The following RFX7 variants were observed in gnomAD, a reference collection of about 807,000 sequenced individuals.
RFX7 encodes regulatory factor X7.
Under a neutral mutation model 111.8 loss-of-function variants are expected in RFX7, and 26 were observed. The observed-to-expected ratio is 0.23, with a 90% CI of 0.17 to 0.32. The LOEUF (loss-of-function observed/expected upper bound fraction) is 0.32. Ranked by LOEUF, RFX7 falls within the 10% of genes least tolerant of loss-of-function variation. RFX7 has a pLI of 1.00. For missense variants in RFX7, 1,573 were observed against 1,772.9 expected (o/e 0.89, Z 2.02); for synonymous variants, 624 against 624.4 (o/e 1.00, Z 0.01).
At chr15:56,163,998 G>A (rs535785711) in intron 3 of RFX7, among the ~76,000 whole-genome samples, 1 of 152,280 alleles carries the variant, frequency 6.6e-6, no homozygotes, top group Admixed American at 6.5e-5. Flanking sequence ...TAGAACATAG[G>A]TAAGAAAAAT....
chr15:56,132,342 A>G (rs1409486095), intron 5 of RFX7, among the ~76,000 whole-genome samples: 7 of 152,096 alleles, frequency 4.6e-5, no homozygotes, highest in African/African-American at 1.4e-4. Flanking sequence ...AATAGCTAAA[A>G]TATCTAAGTA....
At chr15:56,159,875 T>C (rs2042700828) in intron 3 of RFX7, among the ~76,000 whole-genome samples, 1 of 152,170 alleles carries the variant, frequency 6.6e-6, no homozygotes, top group Non-Finnish European at 1.5e-5. Flanking sequence ...TGGCATAATA[T>C]TCAATTTAAA....
At chr15:56,149,106 A>G (rs892347608) in intron 3 of RFX7, among the ~76,000 whole-genome samples, 4 of 151,248 alleles carry the variant, frequency 2.6e-5, no homozygotes, top group Non-Finnish European at 5.9e-5. Context: ...AAAAAAATCA[A>G]TGTGTCACCC....
intron 3 of RFX7, among the ~76,000 whole-genome samples, chr15:56,157,785 G>A (rs1204168675): frequency 6.6e-6 from 1 of 152,176 alleles, no homozygotes; most frequent in Non-Finnish European, 1.5e-5. Context: ...TCACCATGTT[G>A]GTCGGGCTGG....
At chr15:56,129,889 G>A (rs2042190643) in intron 5 of RFX7, among the ~76,000 whole-genome samples, 2 of 152,250 alleles carry the variant, frequency 1.3e-5, no homozygotes, top group South Asian at 4.2e-4. Context: ...ACATGTGGCT[G>A]CTTCTCCCAG....
intron 3 of RFX7, among the ~76,000 whole-genome samples, chr15:56,175,368 G>C (rs150438711): frequency 7.3e-4 from 111 of 152,218 alleles, no homozygotes; most frequent in Non-Finnish European, 1.3e-3. Flanking sequence ...CTATAAATTT[G>C]ATGTAATCCC....
chr15:56,141,413 C>T (rs1187701814), intron 5 of RFX7, among the ~76,000 whole-genome samples: 11 of 151,732 alleles, frequency 7.2e-5, no homozygotes, highest in African/African-American at 1.7e-4. Flanking sequence ...AAACCTCATA[C>T]ATCTTCAACT....
In RFX7 at chr15:56,092,411, T is replaced by C. The variant is rs1292603214; in HGVS notation, c.*934A>G. The C allele has an allele frequency of 4.6e-5, 7 of 152,414 alleles. No homozygotes were observed. 9.4% of individuals were successfully genotyped at this position (152,414 alleles called of 1,614,324 possible). A position where few individuals can be genotyped will look rare whatever the true frequency, so the allele number is the denominator to read the frequency against. ...GAAAAAAACTGATTATTGTGGAATA[T>C]TTTAATGAAAAATTTCAAAGTAAAT... On this transcript the variant is annotated 3_prime_UTR_variant, in exon 10 of 10. Coordinates refer to ENST00000559447, the MANE Select transcript of RFX7 (RefSeq NM_022841.7).
At chr15:56,139,338 A>C (rs575099779) in intron 5 of RFX7, among the ~76,000 whole-genome samples, 190 of 152,060 alleles carry the variant, frequency 1.2e-3, no homozygotes, top group Middle Eastern at 3.4e-3. Flanking sequence ...TTTCTCTAAA[A>C]TTCCCTTCTC....
intron 2 of RFX7, among the ~76,000 whole-genome samples, chr15:56,231,445 G>C (rs1224288729): frequency 6.6e-6 from 1 of 152,112 alleles, no homozygotes; most frequent in Non-Finnish European, 1.5e-5. Context: ...AGTGAAAGGG[G>C]TTTCTCCTTA....
rs575702656 is a variant in RFX7 at position 56,090,916 on chromosome 15, C to A, written c.*2429G>T. 1 of 152,352 alleles carries A rather than the reference C, an allele frequency of 6.6e-6. No individual in the cohort carries two copies. Among genetic ancestry groups the A allele is most frequent in the South Asian group, 2.1e-4 (1 of 4,832 alleles). The allele number at this position is 152,352 out of a possible 1,614,324, so 9.4% of individuals were successfully genotyped here. On this transcript the variant is annotated 3_prime_UTR_variant, in exon 10 of 10. Coordinates refer to ENST00000559447, the MANE Select transcript of RFX7 (RefSeq NM_022841.7). ...ATGCAAAATGTTTTAAACATCAAAACAATAAAAATAATCTGGAACAGAACA... is the reference window on the plus strand; with the variant it reads ...ATGCAAAATGTTTTAAACATCAAAAAAATAAAAATAATCTGGAACAGAACA...
In RFX7 at chr15:56,096,635, CAA is replaced by C. The variant is rs745432983; in HGVS notation, c.1108-17_1108-16del. The C allele has an allele frequency of 1.8e-5, 28 of 1,545,026 alleles. No homozygotes were observed. In the South Asian group the frequency reaches 3.4e-4, roughly 19 times the overall value. ...GTCCGCTGGACCTGTTAAAAGATAG[CAA>C]AAAATCAGATTTAACAGGTCTAGCC... On this transcript the variant is annotated splice_polypyrimidine_tract_variant and intron_variant, in intron 9 of 9. Coordinates refer to ENST00000559447, the MANE Select transcript of RFX7 (RefSeq NM_022841.7).
chr15:56,198,584 A>T (rs1200662770), intron 2 of RFX7, among the ~76,000 whole-genome samples: 1 of 152,196 alleles, frequency 6.6e-6, no homozygotes, highest in Non-Finnish European at 1.5e-5. Flanking sequence ...GAAACTCCAT[A>T]GGACAAAGGA....
chr15:56,121,596 T>A (rs2042079521), intron 5 of RFX7, among the ~76,000 whole-genome samples: 1 of 152,200 alleles, frequency 6.6e-6, no homozygotes, highest in Non-Finnish European at 1.5e-5. Context: ...TCTGTTATTC[T>A]CTCTTTGAAT....
At chr15:56,228,453 C>G (rs1006445636) in intron 2 of RFX7, among the ~76,000 whole-genome samples, 1 of 151,998 alleles carries the variant, frequency 6.6e-6, no homozygotes, top group Non-Finnish European at 1.5e-5. Context: ...AACCAAGCAT[C>G]AGAACCAGAC....
chr15:56,165,917 G>A (rs2042776670), intron 3 of RFX7, among the ~76,000 whole-genome samples: 1 of 152,100 alleles, frequency 6.6e-6, no homozygotes, highest in Non-Finnish European at 1.5e-5. Flanking sequence ...GCAGCCAGGT[G>A]ATAGGACAGG....
chr15:56,145,934 A>G (rs1448471269), intron 3 of RFX7, among the ~76,000 whole-genome samples: 2 of 152,236 alleles, frequency 1.3e-5, no homozygotes, highest in African/African-American at 4.8e-5. Context: ...AATCATACAA[A>G]GAGTGAACAA....
chr15:56,217,608 T>C (rs1221951716), intron 2 of RFX7, among the ~76,000 whole-genome samples: 2 of 152,208 alleles, frequency 1.3e-5, no homozygotes, highest in Non-Finnish European at 2.9e-5. Context: ...TCATAATACA[T>C]GGGCATCTTT....
chr15:56,242,608 A>T (rs2043711389), intron 2 of RFX7, among the ~76,000 whole-genome samples: 1 of 152,238 alleles, frequency 6.6e-6, no homozygotes, highest in South Asian at 2.1e-4. Context: ...GAAATTTAAT[A>T]TTAGGATAAG....
Sources: allele counts gnomAD v4.1 joint callset (sites outside exome capture counted in the v4.1 genomes callset), GRCh38; gene constraint gnomAD v4.1.1; transcripts MANE v1.5; gene names NCBI Gene and HGNC (gene_info 2026-07-23, HGNC 2026-07-21).